Variants in AGAP1 observed in about 807,000 individuals in gnomAD.
The protein encoded by AGAP1 is arf-GAP with GTPase, ANK repeat and PH domain-containing protein 1.
Under a neutral mutation model 105.3 loss-of-function variants are expected in AGAP1, and 29 were observed. That is an observed-to-expected ratio of 0.28 (90% CI 0.21 to 0.38). The LOEUF is 0.38. Among genes scored for constraint, AGAP1 ranks in the 10% least tolerant of loss-of-function variants. The pLI, the probability that AGAP1 is intolerant of heterozygous loss-of-function variation, is 1.00. For missense variants in AGAP1, 998 were observed against 1,165.1 expected (o/e 0.86, Z 2.09); for synonymous variants, 509 against 485.9 (o/e 1.05, Z -0.63).
rs766593428 is a variant in AGAP1 at position 235,888,209 on chromosome 2, G to A, written c.1155+4760G>A. ...ATGTGGTTATGGGCAGGGGGCGGGG[G>A]AGCGGGTAGTTCAGGAGGATCTCAG... On this transcript the variant is annotated intron_variant, in intron 10 of 17. Transcript: ENST00000304032. The surrounding 1 kb of genome is among the most constrained non-coding windows in gnomAD (Gnocchi z 4.8). Among the ~76,000 whole-genome samples, 2 of 152,152 alleles carry A rather than the reference G, an allele frequency of 1.3e-5. No individual in the cohort carries two copies. The highest frequency in any genetic ancestry group is 6.5e-5 in the Admixed American group (1 of 15,270).
chr2:235,595,616 C>T (rs757363612), intron 1 of AGAP1, among the ~76,000 whole-genome samples: 2 of 152,198 alleles, frequency 1.3e-5, no homozygotes, highest in Non-Finnish European at 2.9e-5. Flanking sequence ...CAGCCACCAG[C>T]AGGTGGAGGG....
In AGAP1 at chr2:235,864,802, T is replaced by G. The variant is rs1301638294; in HGVS notation, c.1051-18543T>G. On this transcript the variant is annotated intron_variant, in intron 9 of 17. Coordinates refer to ENST00000304032, the MANE Select transcript of AGAP1 (RefSeq NM_001037131.3). This position sits in a 1 kb window ranked among gnomAD's most constrained non-coding sequence, Gnocchi z 5.0. ...TTTCCTTTGGATGGAGGAGGTTTGG[T>G]TTGGTCTTAGTACCCCAGCATACAG... Among the ~76,000 whole-genome samples the G allele has an allele frequency of 6.6e-6, 1 of 152,220 alleles. No homozygotes were observed. Among genetic ancestry groups the G allele is most frequent in the Non-Finnish European group, 1.5e-5 (1 of 68,038 alleles).
chr2:236,119,957 A>AG lies in AGAP1; in HGVS notation c.2115-230dup, dbSNP rs2059860344. On this transcript the variant is annotated intron_variant, in intron 16 of 17. Coordinates refer to ENST00000304032, the MANE Select transcript of AGAP1 (RefSeq NM_001037131.3). This position sits in a 1 kb window ranked among gnomAD's most constrained non-coding sequence, Gnocchi z 6.6. ...AAAACACCCCGAGAGGTTTGGATTCAGGGGGTCTGGGGCGTGACCTGAGAA... is the reference window on the plus strand; with the variant it reads ...AAAACACCCCGAGAGGTTTGGATTCAGGGGGGTCTGGGGCGTGACCTGAGAA... Among the ~76,000 whole-genome samples, 2 of 152,150 alleles carry AG rather than the reference A, an allele frequency of 1.3e-5. No homozygotes were observed. Among genetic ancestry groups the AG allele is most frequent in the Admixed American group, 6.5e-5 (1 of 15,272 alleles).
intron 2 of AGAP1, among the ~76,000 whole-genome samples, chr2:235,710,377 G>A (rs1559381852): frequency 6.6e-6 from 1 of 152,248 alleles, no homozygotes. Context: ...AGTGGGAGGT[G>A]CCCTGAGGTG....
chr2:235,884,452 GTTTT>G (rs35976413), intron 10 of AGAP1, among the ~76,000 whole-genome samples: 2 of 124,660 alleles, frequency 1.6e-5, no homozygotes, highest in Non-Finnish European at 1.6e-5. Context: ...ATTTTTCACT[GTTTT>G]TTTTTTTTTT....
intron 1 of AGAP1, among the ~76,000 whole-genome samples, chr2:235,668,282 G>A (rs1419216334): frequency 2.0e-5 from 3 of 152,118 alleles, no homozygotes; most frequent in Non-Finnish European, 4.4e-5. Flanking sequence ...AGATTTCCTA[G>A]GCTATAACTT....
chr2:235,624,307 C>A (rs1209190155), intron 1 of AGAP1, among the ~76,000 whole-genome samples: 1 of 152,130 alleles, frequency 6.6e-6, no homozygotes, highest in Admixed American at 6.5e-5. Context: ...CCCCTTGCCC[C>A]CTTCTCTGTT....
At chr2:235,848,951 G>A (rs757096950) in intron 9 of AGAP1, among the ~76,000 whole-genome samples, 3 of 152,300 alleles carry the variant, frequency 2.0e-5, no homozygotes, top group South Asian at 2.1e-4. Context: ...TTCCCTGTCC[G>A]TCCGTGTGCT....
At position 235,608,774 on chromosome 2, in the gene AGAP1, C is replaced by T. The variant is rs901401182; in HGVS notation, c.164-100405C>T. ...AGGAGCAATTTTCCATGGAATATAT[C>T]TGATGGCAGGTCTTGAGGTCAGTCT... is the stretch of plus-strand genomic sequence containing the variant. On this transcript the variant is annotated intron_variant, in intron 1 of 17. Coordinates refer to ENST00000304032, the MANE Select transcript of AGAP1 (RefSeq NM_001037131.3). The surrounding 1 kb of genome is among the most constrained non-coding windows in gnomAD (Gnocchi z 5.4). Among the ~76,000 whole-genome samples, 3 of 152,152 alleles carry T rather than the reference C, an allele frequency of 2.0e-5. No individual in the cohort carries two copies. The highest frequency in any genetic ancestry group is 4.4e-5 in the Non-Finnish European group (3 of 68,038).
rs1944598059 is a variant in AGAP1 at position 235,573,020 on chromosome 2, T to TTCTTC, written c.163+78171_163+78172insTCTTC. Among the ~76,000 whole-genome samples, 6 of 20,126 alleles carry TTCTTC rather than the reference T, an allele frequency of 3.0e-4. No individual in the cohort carries two copies. The East Asian group carries it at 0.015, about 51-fold the overall frequency. 13.2% of individuals were successfully genotyped at this position (20,126 alleles called of 152,430 possible). A position where few individuals can be genotyped will look rare whatever the true frequency, so the allele number is the denominator to read the frequency against. On this transcript the variant is annotated intron_variant, in intron 1 of 17. Transcript: ENST00000304032. The stretch of plus-strand genomic sequence containing the variant: ...TTCTTCTTCTTCTTCTTCTTCTTCT[T>TTCTTC]CTTCTTCTTCTTCTTCTTCTTCTTC...
intron 6 of AGAP1, among the ~76,000 whole-genome samples, chr2:235,762,378 A>T (rs1315835206): frequency 6.6e-6 from 1 of 152,072 alleles, no homozygotes; most frequent in Admixed American, 6.6e-5. Context: ...CTCCAAGAGG[A>T]TGTGAGGAAT....
chr2:235,660,179 G>A lies in AGAP1; in HGVS notation c.164-49000G>A, dbSNP rs923735045. On this transcript the variant is annotated intron_variant, in intron 1 of 17. Coordinates refer to ENST00000304032, the MANE Select transcript of AGAP1 (RefSeq NM_001037131.3). This position sits in a 1 kb window ranked among gnomAD's most constrained non-coding sequence, Gnocchi z 5.3. ...GGGGCGGCCACCCAAGATCAGCTGC[G>A]GCTGAGGATTTTTGTGGCTAGGGGA... 2.6e-5 allele frequency among the ~76,000 whole-genome samples: 4 copies of A among 152,188 alleles called. No individual in the cohort carries two copies. Among genetic ancestry groups the A allele is most frequent in the South Asian group, 2.1e-4 (1 of 4,828 alleles).
intron 10 of AGAP1, among the ~76,000 whole-genome samples, chr2:235,886,607 G>T (rs1011891636): frequency 1.3e-5 from 2 of 152,152 alleles, no homozygotes; most frequent in Middle Eastern, 6.3e-3. Flanking sequence ...GAAGAGGGGC[G>T]CAATGGGGCT....
At chr2:235,761,637 A>G (rs1162204568) in intron 6 of AGAP1, among the ~76,000 whole-genome samples, 1 of 152,110 alleles carries the variant, frequency 6.6e-6, no homozygotes, top group African/African-American at 2.4e-5. Context: ...GCTCTTTCTA[A>G]TGTTTTTAAA....
chr2:235,537,711 A>G (rs1474051425), intron 1 of AGAP1, among the ~76,000 whole-genome samples: 1 of 152,250 alleles, frequency 6.6e-6, no homozygotes, highest in East Asian at 1.9e-4. Flanking sequence ...TCTAATAATT[A>G]TCTCAGCAAT....
rs1054770191 is a variant in AGAP1, at chr2:235,714,301, C to T, written c.223-3256C>T. 1.3e-5 allele frequency among the ~76,000 whole-genome samples: 2 copies of T among 152,096 alleles called. No homozygotes were observed. Among genetic ancestry groups the T allele is most frequent in the Admixed American group, 6.5e-5 (1 of 15,272 alleles). Reference sequence around the variant, plus strand: ...AAAGTGCTGGGATTACAGGCGTGAGCCACCATGCCCAGCCAGGGGTTAGGT... The same window carrying T: ...AAAGTGCTGGGATTACAGGCGTGAGTCACCATGCCCAGCCAGGGGTTAGGT... On this transcript the variant is annotated intron_variant, in intron 2 of 17. Transcript: ENST00000304032. This position sits in a 1 kb window ranked among gnomAD's most constrained non-coding sequence, Gnocchi z 4.1.
intron 13 of AGAP1, among the ~76,000 whole-genome samples, chr2:235,997,844 C>A (rs1275227294): frequency 6.6e-6 from 1 of 151,956 alleles, no homozygotes; most frequent in Non-Finnish European, 1.5e-5. Flanking sequence ...GAGGACTTCC[C>A]AGTACATTTG....
At position 235,744,642 on chromosome 2, in the gene AGAP1, T is replaced by C. The variant is rs1952790988; in HGVS notation, c.397-56T>C. The C allele has an allele frequency of 6.2e-7, 1 of 1,607,846 alleles. No homozygotes were observed. Among genetic ancestry groups the C allele is most frequent in the South Asian group, 1.1e-5 (1 of 90,484 alleles). ...CCTGCCGCCATGCAGACATCTCTGT[T>C]CTTAATCAAGCCTGCTCACTCAGCT... On this transcript the variant is annotated intron_variant, in intron 4 of 17. Transcript: ENST00000304032. The surrounding 1 kb of genome is among the most constrained non-coding windows in gnomAD (Gnocchi z 5.2).
rs901030988 is a variant in AGAP1 at position 235,891,643 on chromosome 2, A to G, written c.1155+8194A>G. Among the ~76,000 whole-genome samples the G allele has an allele frequency of 2.0e-5, 3 of 152,172 alleles. No individual in the cohort carries two copies. Among genetic ancestry groups the G allele is most frequent in the African/African-American group, 7.2e-5 (3 of 41,442 alleles). On this transcript the variant is annotated intron_variant, in intron 10 of 17. Coordinates refer to ENST00000304032, the MANE Select transcript of AGAP1 (RefSeq NM_001037131.3). The surrounding 1 kb of genome is among the most constrained non-coding windows in gnomAD (Gnocchi z 4.2). ...GCAAGGCTGCAATTCCCTGCTGACA[A>G]AGATGTGTGCAGTGAGATTCCTAAG...
Sources: gnomAD v4.1 joint callset for allele counts (sites outside exome capture counted in the v4.1 genomes callset) on GRCh38, gnomAD v4.1.1 for gene constraint, Gnocchi (gnomAD v3.1) non-coding constraint, MANE v1.5 for transcripts, NCBI Gene and HGNC (gene_info 2026-07-23, HGNC 2026-07-21) for gene names.